The following FANCA variants were observed in gnomAD, a reference collection of about 807,000 sequenced individuals.
FANCA encodes FA complementation group A, also known as Fanconi anemia group A protein.
In FANCA, 236 loss-of-function variants were observed where a neutral mutation model predicts 194.3. That is an observed-to-expected ratio of 1.21 (90% CI 1.09 to 1.35). FANCA has a LOEUF of 1.35. Ranked by LOEUF, FANCA falls within the 40% of genes most tolerant of loss-of-function variation. The probability of loss-of-function intolerance (pLI) is 0.00; values close to 1 mark genes in which losing one functional copy is unlikely to be tolerated. For synonymous variants in FANCA, 1,014 were observed against 715.8 expected (o/e 1.42, Z -6.65); for missense variants, 2,628 against 1,813.9 (o/e 1.45, Z -8.15).
chr16:89,740,654 AC>A, intron 38 of FANCA, 149 bp downstream of exon 38: 1 of 650,380 alleles, frequency 1.5e-6, no homozygotes. Context: ...AAAAAAAAAA[AC>A]CCACGGCCTG....
At chr16:89,815,835 G>C (rs2041091911) in intron 2 of FANCA, 42 bp downstream of exon 2, 25 of 1,488,678 alleles carry the variant, frequency 1.7e-5, no homozygotes, top group Non-Finnish European at 2.3e-5. Context: ...CAAAAACCCC[G>C]AACCTAAATC....
At chr16:89,739,606 A>T in intron 39 of FANCA, 53 bp from the exon 40 acceptor site, 17 of 1,538,242 alleles carry the variant, frequency 1.1e-5, no homozygotes, top group Non-Finnish European at 1.4e-5. Flanking sequence ...GCCTATTATC[A>T]GTGCTGGGGA....
intron 36 of FANCA, among the ~76,000 whole-genome samples, 168 bp from the exon 37 acceptor site, chr16:89,743,106 G>GT (rs2062175059): frequency 6.6e-6 from 1 of 152,210 alleles, no homozygotes; most frequent in Non-Finnish European, 1.5e-5. Flanking sequence ...CCAGGTCCAC[G>GT]TGAGAGTGTG....
In FANCA at chr16:89,803,266, A is replaced by C; in HGVS notation, c.785T>G (p.Met262Arg). 6.2e-7 allele frequency: 1 copy of C among 1,614,130 alleles called. No homozygotes were observed. The highest frequency in any genetic ancestry group is 1.1e-5 in the South Asian group (1 of 91,088). ...CTTGACTTTTCCTCCTACCTGCGGC[A>C]TTTTTTCAGGCTCCACAGTTCTTCT... is the stretch of plus-strand genomic sequence containing the variant. ...DLRRTVEPEK[M>R]PQVTVDVLQR... Residue 262 changes from methionine (M) to arginine (R), a missense_variant, in exon 8 of 43, where the codon ATG (methionine) becomes AGG (arginine). Coordinates refer to ENST00000389301, the MANE Select transcript of FANCA (RefSeq NM_000135.4).
intron 27 of FANCA, among the ~76,000 whole-genome samples, chr16:89,766,274 C>T (rs1011938894): frequency 1.3e-5 from 2 of 151,662 alleles, no homozygotes; most frequent in African/African-American, 2.4e-5. Flanking sequence ...GGATTACAGG[C>T]ATGAGCCACC....
chr16:89,745,550 A>C lies in FANCA; in HGVS notation c.3514-479T>G, dbSNP rs571755448. The stretch of plus-strand genomic sequence containing the variant: ...GCCCTGAGCTGGGAACGAAACAGTG[A>C]AGGGACCACACTCCTCTGAGCTGGG... On this transcript the variant is annotated intron_variant, in intron 35 of 42. Coordinates refer to ENST00000389301, the MANE Select transcript of FANCA (RefSeq NM_000135.4). Among the ~76,000 whole-genome samples the C allele has an allele frequency of 4.5e-5, 5 of 110,264 alleles. No individual in the cohort carries two copies. The South Asian group carries it at 1.8e-3, about 40-fold the overall frequency. The allele number at this position is 110,264 out of a possible 152,430, so 72.3% of individuals were successfully genotyped here.
rs370342473 is a variant in FANCA at position 89,778,792 on chromosome 16, G to C, written c.1826+9C>G. On this transcript the variant is annotated intron_variant, in intron 20 of 42. Transcript: ENST00000389301. Reference sequence around the variant, plus strand: ...AAGTAGTCATCCCCTTCTAACCGTTGCTGCATACCTCTTCAGAGACTCTAT... The same window carrying C: ...AAGTAGTCATCCCCTTCTAACCGTTCCTGCATACCTCTTCAGAGACTCTAT... 2.5e-6 allele frequency: 4 copies of C among 1,613,468 alleles called. No homozygotes were observed. The highest frequency in any genetic ancestry group is 3.4e-6 in the Non-Finnish European group (4 of 1,179,466).
Position 89,779,908 on chromosome 16 carries a change from T to C in FANCA, c.1676A>G (p.Glu559Gly), listed in dbSNP as rs753229112. The C allele has an allele frequency of 3.4e-5, 55 of 1,613,940 alleles. No individual in the cohort carries two copies. The highest frequency in any genetic ancestry group is 4.6e-5 in the Non-Finnish European group (54 of 1,180,040). The change falls in exon 18 of 43, where the codon GAG (glutamate) becomes GGG (glycine). Residue 559 changes from glutamate to glycine, a missense_variant. By Grantham distance (98) the Glu-to-Gly change is moderately conservative. Transcript: ENST00000389301. ...GGTGACTGGGATGTTCCCCGTATGC[T>C]CAAACACCATGATGGCCTTTTCAAC... ...QDVEKAIMVFEHTGNIPVTVM... is the reference protein window; with the variant it reads ...QDVEKAIMVFGHTGNIPVTVM...
chr16:89,795,284 C>CAATA (rs71391243), intron 11 of FANCA, among the ~76,000 whole-genome samples: 25,399 of 139,842 alleles, frequency 0.18, 2,549 homozygotes, highest in East Asian at 0.29. Flanking sequence ...ACTCCATCTC[C>CAATA]AATAAATAAA....
At chr16:89,750,501 A>AAAAC (rs2038550803) in intron 31 of FANCA, among the ~76,000 whole-genome samples, 2 of 145,586 alleles carry the variant, frequency 1.4e-5, no homozygotes, top group Admixed American at 6.8e-5. Flanking sequence ...ACAAACAAAA[A>AAAAC]AAAACAGCCA....
chr16:89,811,732 TTTTG>T (rs972829647), intron 3 of FANCA, among the ~76,000 whole-genome samples: 19 of 47,280 alleles, frequency 4.0e-4, no homozygotes, highest in East Asian at 0.023. Context: ...ATTAATTTTT[TTTTG>T]TTTTATTTTT....
At chr16:89,780,610 G>A (rs1385896980) in intron 17 of FANCA, among the ~76,000 whole-genome samples, 1 of 141,090 alleles carries the variant, frequency 7.1e-6, no homozygotes, top group Non-Finnish European at 1.5e-5. Flanking sequence ...GGCAACAGGG[G>A]AAGTCCCTGC....
rs2038610936 is a variant in FANCA at position 89,751,991 on chromosome 16, C to T, written c.3066+147G>A. 1.2e-5 allele frequency: 9 copies of T among 770,812 alleles called. No individual in the cohort carries two copies. The Admixed American group carries it at 1.2e-4, about 10-fold the overall frequency. 47.7% of individuals were successfully genotyped at this position (770,812 alleles called of 1,614,324 possible). A position where few individuals can be genotyped will look rare whatever the true frequency, so the allele number is the denominator to read the frequency against. On this transcript the variant is annotated intron_variant, in intron 31 of 42. Transcript: ENST00000389301. ...CTCATCGTGTTAGCCAGCATGGTCT[C>T]GATCTCCTGACTGTGTGATCCGCCT...
At chr16:89,785,530 C>G (rs1404136444) in intron 14 of FANCA, among the ~76,000 whole-genome samples, 1 of 152,166 alleles carries the variant, frequency 6.6e-6, no homozygotes, top group Non-Finnish European at 1.5e-5. Flanking sequence ...CCTAGCAGAG[C>G]AAGCGAGGAA....
At chr16:89,778,542 C>G in intron 20 of FANCA, 1 of 440,560 alleles carries the variant, frequency 2.3e-6, no homozygotes, top group Middle Eastern at 6.6e-4. Flanking sequence ...GCAAGAGAAT[C>G]GCTTGAACCT....
In FANCA at chr16:89,799,203, G is replaced by A. The variant is rs1291524243; in HGVS notation, c.856C>T (p.Gln286Ter). The A allele has an allele frequency of 1.9e-6, 3 of 1,613,982 alleles. No individual in the cohort carries two copies. The highest frequency in any genetic ancestry group is 2.5e-6 in the Non-Finnish European group (3 of 1,180,034). Residue 286 changes from glutamine to a stop codon, truncating the protein, a stop_gained, in exon 10 of 43, where the codon CAG becomes TAG. Transcript: ENST00000389301. LOFTEE classifies it high-confidence loss of function. ...ATCTTGTGAGTGGAGGACTCCTCCT[G>A]TACTCCAGCAGCCAAAGCGTCAAGT... Reference protein sequence around the residue: ...FALDALAAGVQEESSTHKIVR... With the variant: ...FALDALAAGV
At chr16:89,762,049 A>G (rs2143261634) in intron 28 of FANCA, 27 bp from the exon 29 acceptor site, 1 of 1,556,306 alleles carries the variant, frequency 6.4e-7, no homozygotes, top group Admixed American at 1.7e-5. Flanking sequence ...GCAATTCAAT[A>G]CAATGAGGAC....
intron 35 of FANCA, among the ~76,000 whole-genome samples, chr16:89,746,257 G>A (rs757592425): frequency 4.6e-5 from 7 of 152,212 alleles, no homozygotes; most frequent in Non-Finnish European, 7.3e-5. Context: ...CCTCCAGCCA[G>A]TGCACAACCC....
At chr16:89,810,615 C>G in intron 5 of FANCA, 92 bp downstream of exon 5, 1 of 857,936 alleles carries the variant, frequency 1.2e-6, no homozygotes, top group Non-Finnish European at 2.0e-6. Context: ...TGGAGAATTC[C>G]CAAGAAAACC....
Sources: gnomAD v4.1 joint callset for allele counts (sites outside exome capture counted in the v4.1 genomes callset) on GRCh38, gnomAD v4.1.1 for gene constraint, MANE v1.5 for transcripts, NCBI Gene and HGNC (gene_info 2026-07-23, HGNC 2026-07-21) for gene names.